Variants in COL18A1 observed in about 807,000 individuals in gnomAD.
COL18A1 encodes the protein collagen type XVIII alpha 1 chain.
Under a neutral mutation model 168.0 loss-of-function variants are expected in COL18A1, and 133 were observed. The ratio of observed to expected loss-of-function variants is 0.79; its 90% confidence interval spans 0.69 to 0.91. The LOEUF is 0.91. Ranked by LOEUF, COL18A1 falls within the 40% of genes least tolerant of loss-of-function variation. The pLI is 0.00. For missense variants in COL18A1, 2,126 were observed against 1,925.4 expected (o/e 1.10, Z -1.95); for synonymous variants, 949 against 809.0 (o/e 1.17, Z -2.94).
chr21:45,456,389 G>A (rs1250735433), intron 2 of COL18A1: 3 of 1,548,582 alleles, frequency 1.9e-6, no homozygotes, highest in African/African-American at 2.7e-5. Flanking sequence ...TGGGCTCCCG[G>A]GCGCACTGTC....
At chr21:45,431,991 C>T (rs1006652152) in intron 2 of COL18A1, among the ~76,000 whole-genome samples, 6 of 152,166 alleles carry the variant, frequency 3.9e-5, no homozygotes, top group South Asian at 2.1e-4. Context: ...GCTACTTTCC[C>T]GGCCCACATC....
chr21:45,499,504 C>CCG (rs2036664145), intron 32 of COL18A1, among the ~76,000 whole-genome samples: 1 of 133,976 alleles, frequency 7.5e-6, no homozygotes, highest in Non-Finnish European at 1.7e-5. Context: ...CCTCAGGAAC[C>CCG]TGTGTGGGCT....
chr21:45,456,898 G>A (rs1439719199), intron 2 of COL18A1: 21 of 1,423,146 alleles, frequency 1.5e-5, no homozygotes, highest in Admixed American at 3.0e-5. Context: ...GGCCGGCCCC[G>A]ATCTCCCCAC....
intron 2 of COL18A1, among the ~76,000 whole-genome samples, chr21:45,441,950 G>A (rs1031419646): frequency 2.0e-5 from 3 of 152,212 alleles, no homozygotes; most frequent in African/African-American, 4.8e-5. Context: ...CAAAGCACAG[G>A]CCTGGTGACC....
intron 2 of COL18A1, chr21:45,456,767 G>C (rs757921321): frequency 6.5e-7 from 1 of 1,542,002 alleles, no homozygotes; most frequent in Admixed American, 2.0e-5. Context: ...CCAGTTCTGC[G>C]AGGCCCTGCA....
intron 2 of COL18A1, among the ~76,000 whole-genome samples, chr21:45,437,972 ACACT>A (rs1338765499): frequency 5.5e-5 from 4 of 73,110 alleles, no homozygotes; most frequent in African/African-American, 2.6e-4. Flanking sequence ...CTGCACACAC[ACACT>A]CACACACTCA....
At chr21:45,491,487 G>A (rs953723016) in intron 22 of COL18A1, among the ~76,000 whole-genome samples, 173 bp downstream of exon 22, 5 of 151,458 alleles carry the variant, frequency 3.3e-5, no homozygotes, top group Admixed American at 6.6e-5. Flanking sequence ...GGTCAGAGAC[G>A]CCTGGGGAGC....
chr21:45,501,531 G>C (rs2036824324), intron 32 of COL18A1, among the ~76,000 whole-genome samples: 1 of 152,144 alleles, frequency 6.6e-6, no homozygotes, highest in African/African-American at 2.4e-5. Flanking sequence ...AGGAATCCAG[G>C]AGAAGCAGGT....
intron 32 of COL18A1, 147 bp downstream of exon 32, chr21:45,497,808 C>A: frequency 8.9e-7 from 1 of 1,128,976 alleles, no homozygotes; most frequent in Non-Finnish European, 1.3e-6. Context: ...GAAGCCCCTT[C>A]TGGGTTGATG....
chr21:45,445,373 G>T (rs1049880789), intron 2 of COL18A1, among the ~76,000 whole-genome samples: 3 of 152,244 alleles, frequency 2.0e-5, no homozygotes, highest in Non-Finnish European at 4.4e-5. Context: ...GTGGACTTCT[G>T]AGCGGTGTCC....
chr21:45,473,929 C>T lies in COL18A1; in HGVS notation c.686C>T (p.Pro229Leu). ...GCTGAGCTGAAGGTGCGCAGGGACC[C>T]CCAGGTGAGCCCCATGCACTGCCTG... ...VIAELKVRRD[P>L]QVSPMHCLDE... The change falls in exon 4 of 42, where the codon CCC becomes CTC. Residue 229 changes from proline (P) to leucine (L), a missense_variant. Pro to Leu is a moderately conservative substitution (Grantham distance 98). Coordinates refer to ENST00000651438, the MANE Select transcript of COL18A1 (RefSeq NM_001379500.1). This position sits in a 1 kb window ranked among gnomAD's most constrained non-coding sequence, Gnocchi z 4.0. 6.2e-7 allele frequency: 1 copy of T among 1,606,114 alleles called. No homozygotes were observed. Among genetic ancestry groups the T allele is most frequent in the Non-Finnish European group, 8.5e-7 (1 of 1,176,554 alleles).
rs752839528 is a variant in COL18A1 at position 45,491,299 on chromosome 21, C to T, written c.2142C>T (p.Tyr714=). Residue 714 remains tyrosine (Y), a synonymous_variant, in exon 22 of 42, where the codon TAC becomes TAT. Coordinates refer to ENST00000651438, the MANE Select transcript of COL18A1 (RefSeq NM_001379500.1). ...CCGGACCCCCGGGACCTGTGGTCTA[C>T]GTGTCGGAGCAGGACGTAAGGACGC... ...GPPGPPGPVV[Y]VSEQDGSVLS... is the part of the protein sequence containing the mutation. 2.3e-5 allele frequency: 37 copies of T among 1,611,642 alleles called. No homozygotes were observed. Among genetic ancestry groups the T allele is most frequent in the African/African-American group, 8.0e-5 (6 of 74,864 alleles).
At position 45,438,214 on chromosome 21, in the gene COL18A1, ACACT is replaced by A. The variant is rs1389853781; in HGVS notation, c.107-30024_107-30021del. ...CACACAGGCACTCTCCTGCACACAC[ACACT>A]CACACACTCAGACACACAGGCACTC... On this transcript the variant is annotated intron_variant, in intron 2 of 41. Transcript: ENST00000651438. 1.2e-3 allele frequency among the ~76,000 whole-genome samples: 131 copies of A among 112,990 alleles called. 6 individuals are homozygous for A. The highest frequency in any genetic ancestry group is 4.0e-3 in the African/African-American group (93 of 23,172). The allele number at this position is 112,990 out of a possible 152,430, so 74.1% of individuals were successfully genotyped here.
At position 45,511,146 on chromosome 21, in the gene COL18A1, C is replaced by T; in HGVS notation, c.3729C>T (p.Phe1243=). Reference sequence around the variant, plus strand: ...TGTTTCCCAGCTGGGAGGCTCTGTTCTCAGGCTCTGAGGGTCCGCTGAAGC... The same window carrying T: ...TGTTTCCCAGCTGGGAGGCTCTGTTTTCAGGCTCTGAGGGTCCGCTGAAGC... The part of the protein sequence containing the change: ...ELLFPSWEAL[F]SGSEGPLKPG... The change falls in exon 41 of 42, where the codon TTC becomes TTT. Residue 1243 remains phenylalanine (F), a synonymous_variant. Coordinates refer to ENST00000651438, the MANE Select transcript of COL18A1 (RefSeq NM_001379500.1). 2 of 1,596,522 alleles carry T rather than the reference C, an allele frequency of 1.3e-6. No individual in the cohort carries two copies. Among genetic ancestry groups the T allele is most frequent in the East Asian group, 2.3e-5 (1 of 44,020 alleles).
At chr21:45,480,212 C>T (rs1423538494) in intron 11 of COL18A1, 56 bp downstream of exon 11, 3 of 1,182,220 alleles carry the variant, frequency 2.5e-6, no homozygotes, top group Admixed American at 3.9e-5. Flanking sequence ...CAAAAGCAGG[C>T]ACTGCCTCTG....
chr21:45,480,894 T>C, intron 13 of COL18A1, 36 bp downstream of exon 13: 1 of 1,588,264 alleles, frequency 6.3e-7, no homozygotes, highest in Non-Finnish European at 8.5e-7. Context: ...TCGGGAGCCC[T>C]GTCTGCTGGG....
chr21:45,425,886 C>T lies in COL18A1; in HGVS notation c.106+20413C>T, dbSNP rs540284121. Among the ~76,000 whole-genome samples, 67 of 152,270 alleles carry T rather than the reference C, an allele frequency of 4.4e-4. No individual in the cohort carries two copies. Among genetic ancestry groups the T allele is most frequent in the African/African-American group, 1.5e-3 (63 of 41,556 alleles). On this transcript the variant is annotated intron_variant, in intron 2 of 41. Transcript: ENST00000651438. The surrounding 1 kb of genome is among the most constrained non-coding windows in gnomAD (Gnocchi z 4.1). ...GTGCAAACTTCATTCTGACTTCGGC[C>T]GGCTGTCCTTCTTGCCCAAAGCACC...
At chr21:45,482,391 C>A in intron 14 of COL18A1, 1 of 635,724 alleles carries the variant, frequency 1.6e-6, no homozygotes. Flanking sequence ...CGGGAGTCGC[C>A]TGCGTCTGGC....
chr21:45,412,743 G>A (rs1447309061), intron 2 of COL18A1, among the ~76,000 whole-genome samples: 1 of 152,236 alleles, frequency 6.6e-6, no homozygotes, highest in Non-Finnish European at 1.5e-5. Flanking sequence ...GGTGCTTGAG[G>A]CCTCAGTGCC....
Sources: gnomAD v4.1 joint callset for allele counts (sites outside exome capture counted in the v4.1 genomes callset) on GRCh38, gnomAD v4.1.1 for gene constraint, Gnocchi (gnomAD v3.1) non-coding constraint, MANE v1.5 for transcripts, NCBI Gene and HGNC (gene_info 2026-07-23, HGNC 2026-07-21) for gene names.